The following FOXP2 variants were observed in gnomAD, a reference collection of about 807,000 sequenced individuals.
FOXP2 encodes forkhead box protein P2.
A neutral mutation model predicts 115.8 loss-of-function variants in FOXP2; 12 were observed. That is an observed-to-expected ratio of 0.10 (90% CI 0.07 to 0.17). The LOEUF (loss-of-function observed/expected upper bound fraction) is 0.17, where lower values mean the gene tolerates loss of function less well. FOXP2 is among the 10% of genes least tolerant of loss of function. The pLI is 1.00. For synonymous variants in FOXP2, 328 were observed against 297.7 expected (o/e 1.10, Z -1.05); for missense variants, 629 against 843.5 (o/e 0.75, Z 3.15).
intron 1 of FOXP2, among the ~76,000 whole-genome samples, chr7:114,236,561 A>G (rs570418905): frequency 3.5e-4 from 54 of 152,352 alleles, no homozygotes; most frequent in African/African-American, 1.2e-3. Flanking sequence ...GGTATTTATT[A>G]TTCTGTAGCT....
chr7:114,687,205 T>A (rs1808412321), intron 16 of FOXP2, among the ~76,000 whole-genome samples: 1 of 152,202 alleles, frequency 6.6e-6, no homozygotes, highest in Admixed American at 6.5e-5. Context: ...GCAAAGCAAC[T>A]TCCCTATGTT....
chr7:114,658,353 C>A (rs1431764778), intron 11 of FOXP2, 86 bp downstream of exon 11: 13 of 1,310,350 alleles, frequency 9.9e-6, no homozygotes, highest in African/African-American at 1.5e-5. Flanking sequence ...CATTCCAGAG[C>A]ACATGGAAAC....
At chr7:114,432,284 C>T (rs1332571753) in intron 2 of FOXP2, among the ~76,000 whole-genome samples, 1 of 151,976 alleles carries the variant, frequency 6.6e-6, no homozygotes, top group East Asian at 1.9e-4. Flanking sequence ...AGTTACACTG[C>T]ATGCTGTTGT....
chr7:114,454,767 G>A, intron 2 of FOXP2, among the ~76,000 whole-genome samples: 1 of 130,778 alleles, frequency 7.6e-6, no homozygotes, highest in Admixed American at 7.8e-5. Flanking sequence ...ACTATCACAA[G>A]AACAAAAAAC....
intron 1 of FOXP2, among the ~76,000 whole-genome samples, chr7:114,283,903 T>TA (rs1435642732): frequency 6.6e-6 from 1 of 152,010 alleles, no homozygotes; most frequent in Non-Finnish European, 1.5e-5. Flanking sequence ...TTGGAGACTG[T>TA]AATGAGCTAC....
intron 3 of FOXP2, among the ~76,000 whole-genome samples, chr7:114,560,101 C>A (rs1800691127): frequency 6.6e-6 from 1 of 151,878 alleles, no homozygotes; most frequent in South Asian, 2.1e-4. Context: ...ATTTAGAATC[C>A]ATTAAAGAAG....
intron 2 of FOXP2, among the ~76,000 whole-genome samples, chr7:114,505,557 T>C (rs1797766799): frequency 6.6e-6 from 1 of 150,970 alleles, no homozygotes. Context: ...GAAGTTAGGA[T>C]AATCACTCTC....
chr7:114,231,785 T>G (rs926846674), intron 1 of FOXP2, among the ~76,000 whole-genome samples: 2 of 152,154 alleles, frequency 1.3e-5, no homozygotes, highest in Non-Finnish European at 2.9e-5. Flanking sequence ...CATAGAGGAA[T>G]AGCTTCATGA....
intron 2 of FOXP2, among the ~76,000 whole-genome samples, chr7:114,363,207 G>A (rs899420283): frequency 6.6e-6 from 1 of 151,982 alleles, no homozygotes; most frequent in African/African-American, 2.4e-5. Flanking sequence ...TTCCTAAAGA[G>A]GCAAAGATAA....
chr7:114,433,082 T>A (rs1452871721), intron 2 of FOXP2, among the ~76,000 whole-genome samples: 1 of 152,034 alleles, frequency 6.6e-6, no homozygotes, highest in Non-Finnish European at 1.5e-5. Context: ...GACCATTTCA[T>A]GCCTGATCTG....
At chr7:114,189,147 A>C (rs1793690900) in intron 1 of FOXP2, among the ~76,000 whole-genome samples, 1 of 152,140 alleles carries the variant, frequency 6.6e-6, no homozygotes, top group Non-Finnish European at 1.5e-5. Flanking sequence ...GCCTATACCC[A>C]ATTAACTTTA....
At chr7:114,617,930 C>T (rs553326064) in intron 3 of FOXP2, among the ~76,000 whole-genome samples, 151 of 152,338 alleles carry the variant, frequency 9.9e-4, no homozygotes, top group African/African-American at 3.4e-3. Flanking sequence ...TAAAGAATAA[C>T]TTGCCATTGC....
chr7:114,245,591 T>A (rs1454220755), intron 1 of FOXP2, among the ~76,000 whole-genome samples: 2 of 152,184 alleles, frequency 1.3e-5, no homozygotes, highest in Non-Finnish European at 2.9e-5. Context: ...TGCCTGACAC[T>A]TAGGATATGA....
At chr7:114,437,951 C>T (rs1193893518) in intron 2 of FOXP2, among the ~76,000 whole-genome samples, 2 of 151,996 alleles carry the variant, frequency 1.3e-5, no homozygotes, top group African/African-American at 2.4e-5. Flanking sequence ...ATTATGAAGA[C>T]TTAGTACAAA....
chr7:114,200,771 C>A (rs532390556), intron 1 of FOXP2, among the ~76,000 whole-genome samples: 12 of 152,268 alleles, frequency 7.9e-5, no homozygotes, highest in Admixed American at 2.6e-4. Flanking sequence ...ATGTAAATTA[C>A]TTTTTTCCCC....
chr7:114,656,136 G>T (rs1263349471), intron 10 of FOXP2, among the ~76,000 whole-genome samples: 1 of 152,104 alleles, frequency 6.6e-6, no homozygotes. Flanking sequence ...CATTGAAAAA[G>T]ATGTATTTCT....
intron 6 of FOXP2, among the ~76,000 whole-genome samples, chr7:114,638,322 T>C (rs574993169): frequency 4.7e-4 from 71 of 152,282 alleles, no homozygotes; most frequent in African/African-American, 1.7e-3. Context: ...CTCAGAACTA[T>C]TTTACATGAA....
intron 2 of FOXP2, among the ~76,000 whole-genome samples, chr7:114,383,502 C>T (rs1197908648): frequency 1.3e-5 from 2 of 152,130 alleles, no homozygotes; most frequent in African/African-American, 4.8e-5. Context: ...GCATAAACTA[C>T]ACTTTTTACA....
At chr7:114,196,573 G>A (rs1204213343) in intron 1 of FOXP2, among the ~76,000 whole-genome samples, 3 of 152,152 alleles carry the variant, frequency 2.0e-5, no homozygotes, top group African/African-American at 7.2e-5. Flanking sequence ...CACTCTTAGT[G>A]TTCTTAATAG....
Sources: gnomAD v4.1 joint callset for allele counts (sites outside exome capture counted in the v4.1 genomes callset) on GRCh38, gnomAD v4.1.1 for gene constraint, MANE v1.5 for transcripts, NCBI Gene and HGNC (gene_info 2026-07-23, HGNC 2026-07-21) for gene names.